The following TM4SF5 variants were observed in gnomAD, a reference collection of about 807,000 sequenced individuals.
TM4SF5 encodes transmembrane 4 L six family member 5.
In TM4SF5, 16 loss-of-function variants were observed where a neutral mutation model predicts 22.3. That is an observed-to-expected ratio of 0.72 (90% CI 0.49 to 1.09). The LOEUF (loss-of-function observed/expected upper bound fraction) is 1.09, where lower values mean the gene tolerates loss of function less well. Among genes scored for constraint, TM4SF5 ranks in the 50% least tolerant of loss-of-function variants. The pLI, the probability that TM4SF5 is intolerant of heterozygous loss-of-function variation, is 0.00. For missense variants in TM4SF5, 249 were observed against 266.1 expected (o/e 0.94, Z 0.45); for synonymous variants, 113 against 109.6 (o/e 1.03, Z -0.19).
At chr17:4,774,584 T>C (rs1317863827) in intron 1 of TM4SF5, among the ~76,000 whole-genome samples, 2 of 151,868 alleles carry the variant, frequency 1.3e-5, no homozygotes, top group African/African-American at 4.8e-5. Flanking sequence ...GAATGAAGTA[T>C]AGAACTAGGC....
Position 4,783,166 on chromosome 17 carries a change from G to C in TM4SF5, c.*38G>C. 1 of 1,599,708 alleles carries C rather than the reference G, an allele frequency of 6.3e-7. No homozygotes were observed. Among genetic ancestry groups the C allele is most frequent in the Non-Finnish European group, 8.5e-7 (1 of 1,173,900 alleles). ...CGCCGGGTTACACCTGCTCCTTCCT[G>C]GACGCTCACTCCCTTGCTCGCTAGA... On this transcript the variant is annotated 3_prime_UTR_variant, in exon 5 of 5. Coordinates refer to ENST00000270560, the MANE Select transcript of TM4SF5 (RefSeq NM_003963.3).
intron 2 of TM4SF5, among the ~76,000 whole-genome samples, chr17:4,781,158 AAAG>A (rs1917301562): frequency 7.3e-6 from 1 of 137,856 alleles, no homozygotes; most frequent in Non-Finnish European, 1.6e-5. Flanking sequence ...AAAAAAAAAA[AAAG>A]AAGAGAAAAG....
intron 1 of TM4SF5, among the ~76,000 whole-genome samples, chr17:4,779,993 C>T (rs377343840): frequency 2.0e-5 from 3 of 152,162 alleles, no homozygotes; most frequent in African/African-American, 7.2e-5. Context: ...GACACTCCAA[C>T]ACCTCTATCC....
At chr17:4,777,308 G>C (rs1444072969) in intron 1 of TM4SF5, among the ~76,000 whole-genome samples, 1 of 152,144 alleles carries the variant, frequency 6.6e-6, no homozygotes, top group South Asian at 2.1e-4. Context: ...AGAAATATGA[G>C]CTGATTCAGG....
At chr17:4,776,061 C>A (rs966107603) in intron 1 of TM4SF5, among the ~76,000 whole-genome samples, 1 of 151,612 alleles carries the variant, frequency 6.6e-6, no homozygotes, top group African/African-American at 2.4e-5. Context: ...GTTGGTCAGG[C>A]TGGTCTCGCA....
intron 2 of TM4SF5, 76 bp from the exon 3 acceptor site, chr17:4,782,427 G>A (rs1917328851): frequency 3.8e-6 from 6 of 1,564,266 alleles, no homozygotes; most frequent in East Asian, 2.2e-5. Flanking sequence ...TCGATAATGC[G>A]TGGGGGCTGG....
chr17:4,775,385 A>T (rs1004850591), intron 1 of TM4SF5, among the ~76,000 whole-genome samples: 1 of 151,092 alleles, frequency 6.6e-6, no homozygotes, highest in Non-Finnish European at 1.5e-5. Context: ...CAGCCTCCCG[A>T]GTAGCTGGGA....
intron 2 of TM4SF5, among the ~76,000 whole-genome samples, chr17:4,781,705 C>T (rs913184858): frequency 5.9e-5 from 9 of 151,784 alleles, no homozygotes; most frequent in Admixed American, 2.6e-4. Context: ...TTAGTAGAGA[C>T]GGGGTTTCAC....
At chr17:4,782,335 T>C (rs1917326830) in intron 2 of TM4SF5, among the ~76,000 whole-genome samples, 168 bp from the exon 3 acceptor site, 1 of 152,072 alleles carries the variant, frequency 6.6e-6, no homozygotes, top group African/African-American at 2.4e-5. Flanking sequence ...CGCCTCAGCC[T>C]CCCAAAGTGC....
At chr17:4,778,185 G>T (rs1254176347) in intron 1 of TM4SF5, among the ~76,000 whole-genome samples, 3 of 152,186 alleles carry the variant, frequency 2.0e-5, no homozygotes, top group Non-Finnish European at 4.4e-5. Flanking sequence ...CATGGGTCCT[G>T]GCCCTGCCAT....
intron 1 of TM4SF5, among the ~76,000 whole-genome samples, chr17:4,779,230 G>A (rs1917256355): frequency 6.6e-6 from 1 of 152,032 alleles, no homozygotes; most frequent in East Asian, 1.9e-4. Context: ...AGGAGTTCAA[G>A]ACCAGCCTGA....
intron 1 of TM4SF5, among the ~76,000 whole-genome samples, chr17:4,775,355 T>G (rs1934591596): frequency 6.6e-6 from 1 of 151,452 alleles, no homozygotes; most frequent in South Asian, 2.1e-4. Context: ...ACCTCTTGGG[T>G]TCACGCCATT....
chr17:4,774,101 A>G (rs552195170), intron 1 of TM4SF5, among the ~76,000 whole-genome samples: 2 of 152,256 alleles, frequency 1.3e-5, no homozygotes, highest in African/African-American at 4.8e-5. Flanking sequence ...GGCGCCTGTA[A>G]TCCCAGCTAC....
intron 1 of TM4SF5, among the ~76,000 whole-genome samples, chr17:4,776,138 C>G (rs78694240): frequency 1.3e-5 from 2 of 151,970 alleles, no homozygotes; most frequent in African/African-American, 4.8e-5. Context: ...CGTGAGCCAC[C>G]GCGCCTGGCC....
rs75639090 is a variant in TM4SF5, at chr17:4,782,660, G to A, written c.395+21G>A. On this transcript the variant is annotated intron_variant, in intron 3 of 4. Coordinates refer to ENST00000270560, the MANE Select transcript of TM4SF5 (RefSeq NM_003963.3). ...ACCGCGTAAGGTTTAGCCTGTATTC[G>A]TGTCCTCCATTCTCTGCCTCTTCCC... 6 of 1,613,366 alleles carry A rather than the reference G, an allele frequency of 3.7e-6. No homozygotes were observed. The East Asian group carries it at 8.9e-5, about 24-fold the overall frequency.
At chr17:4,772,766 A>C (rs551516798) in intron 1 of TM4SF5, among the ~76,000 whole-genome samples, 1 of 147,176 alleles carries the variant, frequency 6.8e-6, no homozygotes, top group Non-Finnish European at 1.5e-5. Flanking sequence ...CCCAGGCTGG[A>C]GTGTGGTGGT....
At chr17:4,779,151 GT>G (rs1250536041) in intron 1 of TM4SF5, among the ~76,000 whole-genome samples, 1 of 152,044 alleles carries the variant, frequency 6.6e-6, no homozygotes, top group Non-Finnish European at 1.5e-5. Context: ...TGAAAGCTAT[GT>G]TTAGGCCAGA....
intron 2 of TM4SF5, among the ~76,000 whole-genome samples, chr17:4,781,174 A>G (rs954740548): frequency 6.0e-5 from 9 of 150,992 alleles, no homozygotes; most frequent in African/African-American, 1.7e-4. Flanking sequence ...GAGAAAAGAT[A>G]CAGAAATTAG....
chr17:4,773,613 T>C (rs1175917763), intron 1 of TM4SF5, among the ~76,000 whole-genome samples: 2 of 152,126 alleles, frequency 1.3e-5, no homozygotes, highest in Admixed American at 6.6e-5. Flanking sequence ...TACCTCTCCT[T>C]TAACCAACAA....
Sources: allele counts gnomAD v4.1 joint callset (sites outside exome capture counted in the v4.1 genomes callset), GRCh38; gene constraint gnomAD v4.1.1; transcripts MANE v1.5; gene names NCBI Gene and HGNC (gene_info 2026-07-23, HGNC 2026-07-21).